The following LTBP1 variants were observed in gnomAD, a reference collection of about 807,000 sequenced individuals.
LTBP1 encodes the protein latent transforming growth factor beta binding protein 1, also known as latent-transforming growth factor beta-binding protein 1.
A neutral mutation model predicts 207.6 loss-of-function variants in LTBP1; 129 were observed. That is an observed-to-expected ratio of 0.62 (90% CI 0.54 to 0.72). The LOEUF (loss-of-function observed/expected upper bound fraction) is 0.72, where lower values mean the gene tolerates loss of function less well. LTBP1 is among the 30% of genes least tolerant of loss of function. LTBP1 has a pLI of 0.00. For missense variants in LTBP1, 2,281 were observed against 2,217.2 expected (o/e 1.03, Z -0.58); for synonymous variants, 963 against 833.7 (o/e 1.16, Z -2.67).
chr2:33,071,591 C>T (rs1441115852), intron 3 of LTBP1, among the ~76,000 whole-genome samples: 1 of 151,968 alleles, frequency 6.6e-6, no homozygotes, highest in East Asian at 1.9e-4. Context: ...GTGTGGTCCA[C>T]AAGCTAATGG....
chr2:33,392,894 A>G (rs2095326967), intron 32 of LTBP1, among the ~76,000 whole-genome samples: 1 of 148,968 alleles, frequency 6.7e-6, no homozygotes, highest in South Asian at 2.1e-4. Flanking sequence ...TTTTTTTTAA[A>G]TTGGGGTCTC....
At chr2:33,019,299 T>TAA (rs1001568536) in intron 2 of LTBP1, among the ~76,000 whole-genome samples, 11 of 146,554 alleles carry the variant, frequency 7.5e-5, no homozygotes, top group African/African-American at 2.7e-4. Flanking sequence ...CATTACATAA[T>TAA]AAAACTTAAG....
intron 17 of LTBP1, among the ~76,000 whole-genome samples, chr2:33,275,426 T>C (rs1195918998): frequency 2.6e-5 from 4 of 152,116 alleles, no homozygotes; most frequent in Non-Finnish European, 4.4e-5. Flanking sequence ...GGCCCACACC[T>C]GTAATCCCAG....
rs757458546 is a variant in LTBP1, at chr2:33,364,366, C to T, written c.4540+10C>T. 46 of 1,608,332 alleles carry T rather than the reference C, an allele frequency of 2.9e-5. 1 individual carries two copies. The South Asian group carries it at 5.1e-4, about 18-fold the overall frequency. On this transcript the variant is annotated intron_variant, in intron 30 of 33. Coordinates refer to ENST00000404816, the MANE Select transcript of LTBP1 (RefSeq NM_206943.4). ...CCGGCTGAGTCAAACGGTATGTTTCCAGGAGATGCAAACCTGTGTCCAAAT... is the reference window on the plus strand; with the variant it reads ...CCGGCTGAGTCAAACGGTATGTTTCTAGGAGATGCAAACCTGTGTCCAAAT...
chr2:33,368,068 C>G (rs2095017374), intron 31 of LTBP1, among the ~76,000 whole-genome samples: 1 of 151,992 alleles, frequency 6.6e-6, no homozygotes, highest in Non-Finnish European at 1.5e-5. Flanking sequence ...ATAGCCGGGC[C>G]TGGTGGCGCA....
chr2:33,164,391 A>G (rs1341743838), intron 5 of LTBP1, among the ~76,000 whole-genome samples: 4 of 150,958 alleles, frequency 2.6e-5, no homozygotes, highest in African/African-American at 9.7e-5. Context: ...GATTAAGAAT[A>G]ATGGCCCAAC....
At chr2:33,247,454 T>G (rs1299252217) in intron 10 of LTBP1, among the ~76,000 whole-genome samples, 1 of 152,182 alleles carries the variant, frequency 6.6e-6, no homozygotes, top group Non-Finnish European at 1.5e-5. Context: ...TTATAGCCCA[T>G]GGGAAAAAAT....
chr2:33,192,074 A>T (rs903312989), intron 7 of LTBP1, among the ~76,000 whole-genome samples: 13 of 152,194 alleles, frequency 8.5e-5, no homozygotes, highest in African/African-American at 2.7e-4. Context: ...GCAGAAAGGG[A>T]GAGTAATTGA....
chr2:33,099,980 G>A (rs953043961), intron 3 of LTBP1, among the ~76,000 whole-genome samples: 3 of 152,146 alleles, frequency 2.0e-5, no homozygotes, highest in African/African-American at 7.2e-5. Context: ...TTCCATTAGG[G>A]TGCGAGGTGG....
intron 10 of LTBP1, 31 bp from the exon 11 acceptor site, chr2:33,252,646 T>A: frequency 6.3e-7 from 1 of 1,579,216 alleles, no homozygotes; most frequent in East Asian, 2.3e-5. Context: ...TGGTTTCTCA[T>A]GTAATGTCGG....
intron 2 of LTBP1, among the ~76,000 whole-genome samples, chr2:32,997,312 A>G (rs1685439113): frequency 6.6e-6 from 1 of 151,924 alleles, no homozygotes; most frequent in African/African-American, 2.4e-5. Flanking sequence ...AGAGTTTGAG[A>G]CCAGCTGGGC....
chr2:33,017,119 T>C (rs977155311), intron 2 of LTBP1, among the ~76,000 whole-genome samples: 1 of 152,262 alleles, frequency 6.6e-6, no homozygotes, highest in African/African-American at 2.4e-5. Flanking sequence ...GTAAATGCTA[T>C]GAATTTTTGC....
intron 3 of LTBP1, among the ~76,000 whole-genome samples, chr2:33,082,221 A>G (rs77825974): frequency 0.039 from 5,962 of 152,128 alleles, 186 homozygotes; most frequent in Non-Finnish European, 0.065. Flanking sequence ...CTTTTCTGCC[A>G]TGAGATTGTT....
chr2:33,046,327 G>T (rs1280877580), intron 3 of LTBP1, among the ~76,000 whole-genome samples: 1 of 152,114 alleles, frequency 6.6e-6, no homozygotes, highest in Non-Finnish European at 1.5e-5. Flanking sequence ...GCATGAAGAG[G>T]TGTTGAATTT....
intron 2 of LTBP1, among the ~76,000 whole-genome samples, chr2:32,962,708 A>G (rs1572843221): frequency 1.3e-5 from 2 of 152,230 alleles, no homozygotes; most frequent in South Asian, 4.1e-4. Context: ...CTCTGGCAAA[A>G]TTTCCCCATT....
chr2:33,348,650 A>G (rs1440549663), intron 26 of LTBP1, among the ~76,000 whole-genome samples: 1 of 152,192 alleles, frequency 6.6e-6, no homozygotes, highest in East Asian at 1.9e-4. Flanking sequence ...CACCTCACCT[A>G]TAGTGTTATT....
chr2:33,214,876 A>G (rs2090565025), intron 7 of LTBP1, among the ~76,000 whole-genome samples: 1 of 152,090 alleles, frequency 6.6e-6, no homozygotes, highest in African/African-American at 2.4e-5. Flanking sequence ...TTCATCTAAA[A>G]AAAAAAAAAG....
intron 2 of LTBP1, among the ~76,000 whole-genome samples, chr2:32,994,080 T>C (rs13417287): frequency 0.21 from 31,981 of 151,698 alleles, 3,706 homozygotes; most frequent in Middle Eastern, 0.23. Context: ...CAAGTGATTA[T>C]TGTAGTGCCC....
At chr2:33,159,887 T>C (rs2084308095) in intron 5 of LTBP1, among the ~76,000 whole-genome samples, 1 of 152,152 alleles carries the variant, frequency 6.6e-6, no homozygotes, top group Non-Finnish European at 1.5e-5. Context: ...TTTATTTTAT[T>C]TTATTTATTT....
Sources: allele counts gnomAD v4.1 joint callset (sites outside exome capture counted in the v4.1 genomes callset), GRCh38; gene constraint gnomAD v4.1.1; transcripts MANE v1.5; gene names NCBI Gene and HGNC (gene_info 2026-07-23, HGNC 2026-07-21).